The following PRKCB variants were observed in gnomAD, a reference collection of about 807,000 sequenced individuals.
The protein encoded by PRKCB is protein kinase C beta.
PRKCB carries 13 observed loss-of-function variants against 81.5 expected under a neutral mutation model. That is an observed-to-expected ratio of 0.16 (90% CI 0.10 to 0.25). The LOEUF (loss-of-function observed/expected upper bound fraction) is 0.25. PRKCB is among the 10% of genes least tolerant of loss of function. The probability of loss-of-function intolerance (pLI) is 1.00; values close to 1 mark genes in which losing one functional copy is unlikely to be tolerated. For missense variants in PRKCB, 509 were observed against 875.7 expected, an observed-to-expected ratio of 0.58 and a Z score of 5.29; for synonymous variants, 335 against 321.4, an observed-to-expected ratio of 1.04 and a Z score of -0.45.
intron 2 of PRKCB, among the ~76,000 whole-genome samples, chr16:23,868,772 G>A (rs1962852122): frequency 6.6e-6 from 1 of 152,146 alleles, no homozygotes; most frequent in Admixed American, 6.5e-5. Context: ...TGGAGACTGG[G>A]GCCGGCTGCC....
intron 2 of PRKCB, among the ~76,000 whole-genome samples, chr16:23,967,949 C>A (rs542164710): frequency 6.6e-6 from 1 of 152,180 alleles, no homozygotes; most frequent in South Asian, 2.1e-4. Context: ...GCCACTGCGC[C>A]GGGCCTTTTA....
At chr16:23,984,908 A>G (rs1458008711) in intron 2 of PRKCB, among the ~76,000 whole-genome samples, 1 of 152,212 alleles carries the variant, frequency 6.6e-6, no homozygotes, top group Non-Finnish European at 1.5e-5. Context: ...GGAAAGTTAA[A>G]CATGGAACTA....
chr16:24,084,716 T>C (rs980104013), intron 5 of PRKCB, among the ~76,000 whole-genome samples: 1 of 152,106 alleles, frequency 6.6e-6, no homozygotes, highest in African/African-American at 2.4e-5. Flanking sequence ...TAGAAATTAA[T>C]GACAAAAACA....
At chr16:23,948,305 A>G (rs1964231189) in intron 2 of PRKCB, among the ~76,000 whole-genome samples, 1 of 152,194 alleles carries the variant, frequency 6.6e-6, no homozygotes, top group East Asian at 1.9e-4. Flanking sequence ...GGGCCTCCCA[A>G]AGCTTGTCTT....
chr16:23,992,185 G>A (rs776497108), intron 3 of PRKCB, among the ~76,000 whole-genome samples: 3 of 152,164 alleles, frequency 2.0e-5, no homozygotes, highest in Non-Finnish European at 4.4e-5. Flanking sequence ...AGAACTGTGA[G>A]GAATAAGTTT....
At chr16:24,019,563 C>T (rs992608487) in intron 3 of PRKCB, among the ~76,000 whole-genome samples, 12 of 152,032 alleles carry the variant, frequency 7.9e-5, no homozygotes, top group East Asian at 7.7e-4. Context: ...TGAGCTCAGG[C>T]GACCAGCCTG....
chr16:23,940,357 C>A (rs1964125624), intron 2 of PRKCB, among the ~76,000 whole-genome samples: 1 of 151,472 alleles, frequency 6.6e-6, no homozygotes, highest in South Asian at 2.1e-4. Context: ...CTAGATAAAT[C>A]AAAGCTTAAA....
chr16:23,842,837 T>A (rs996278462), intron 2 of PRKCB, among the ~76,000 whole-genome samples: 1 of 152,232 alleles, frequency 6.6e-6, no homozygotes, highest in Non-Finnish European at 1.5e-5. Flanking sequence ...AATTAACACA[T>A]GTAGACTAGA....
chr16:24,114,274 A>T (rs1456932528), intron 8 of PRKCB, among the ~76,000 whole-genome samples: 1 of 149,704 alleles, frequency 6.7e-6, no homozygotes, highest in Non-Finnish European at 1.5e-5. Context: ...ATCTCAAAAA[A>T]AAAAAAAATA....
Position 24,216,693 on chromosome 16 carries a change from C to A in PRKCB, c.*1877C>A. ...GCTTGGGGACCGTCCCTGCTGTCCC[C>A]ACTGTGGTGGCAATCAGGACCTAAG... On this transcript the variant is annotated 3_prime_UTR_variant, in exon 17 of 17. Coordinates refer to ENST00000643927, the MANE Select transcript of PRKCB (RefSeq NM_002738.7). 1.0e-6 allele frequency: 1 copy of A among 985,452 alleles called. No individual in the cohort carries two copies. Among genetic ancestry groups the A allele is most frequent in the East Asian group, 1.1e-4 (1 of 8,808 alleles). The allele number at this position is 985,452 out of a possible 1,614,324, so 61.0% of individuals were successfully genotyped here. A position where few individuals can be genotyped will look rare whatever the true frequency, so the allele number is the denominator to read the frequency against.
intron 5 of PRKCB, among the ~76,000 whole-genome samples, chr16:24,056,007 G>A (rs367900534): frequency 6.6e-6 from 1 of 152,226 alleles, no homozygotes; most frequent in African/African-American, 2.4e-5. Flanking sequence ...CTGGGCTTCT[G>A]TGTGGCAGAA....
At chr16:23,924,486 C>G (rs1461529404) in intron 2 of PRKCB, among the ~76,000 whole-genome samples, 2 of 152,016 alleles carry the variant, frequency 1.3e-5, no homozygotes, top group African/African-American at 4.8e-5. Flanking sequence ...ATCTGGCGAC[C>G]ACCACACAAC....
chr16:24,127,207 T>A (rs1233373491), intron 9 of PRKCB, among the ~76,000 whole-genome samples: 2 of 151,668 alleles, frequency 1.3e-5, no homozygotes, highest in Non-Finnish European at 2.9e-5. Flanking sequence ...GGTTTCTCCA[T>A]GTTGGTCAGG....
Position 24,216,094 on chromosome 16 carries a change from G to A in PRKCB, c.*1278G>A. ...AGTGGGAACTGAGGAGGGAACTCAG[G>A]AGAAAGGAACTAACTGCGGAGCTTT... On this transcript the variant is annotated 3_prime_UTR_variant, in exon 17 of 17. Transcript: ENST00000643927. The A allele has an allele frequency of 2.0e-6, 2 of 985,426 alleles. No individual in the cohort carries two copies. The highest frequency in any genetic ancestry group is 1.2e-6 in the Non-Finnish European group (1 of 829,940). 61.0% of individuals were successfully genotyped at this position (985,426 alleles called of 1,614,324 possible).
chr16:23,967,090 C>G (rs1464403188), intron 2 of PRKCB, among the ~76,000 whole-genome samples: 4 of 151,682 alleles, frequency 2.6e-5, no homozygotes. Flanking sequence ...AGACACTCCT[C>G]TAATTGCTCT....
At chr16:24,057,003 C>G (rs1314267924) in intron 5 of PRKCB, among the ~76,000 whole-genome samples, 1 of 152,132 alleles carries the variant, frequency 6.6e-6, no homozygotes, top group Non-Finnish European at 1.5e-5. Flanking sequence ...GTGTCTTTCC[C>G]TGATTATTTA....
At chr16:23,861,738 G>T (rs1020412269) in intron 2 of PRKCB, among the ~76,000 whole-genome samples, 1 of 152,172 alleles carries the variant, frequency 6.6e-6, no homozygotes, top group African/African-American at 2.4e-5. Flanking sequence ...TGCATGTGGT[G>T]CTTGGAGCTG....
intron 9 of PRKCB, among the ~76,000 whole-genome samples, chr16:24,127,835 G>A (rs1041920501): frequency 7.2e-5 from 11 of 152,148 alleles, no homozygotes; most frequent in African/African-American, 2.7e-4. Context: ...CTTTAAAACA[G>A]AGTAATCCTT....
intron 5 of PRKCB, among the ~76,000 whole-genome samples, chr16:24,040,550 A>T (rs1249096521): frequency 6.6e-6 from 1 of 152,196 alleles, no homozygotes; most frequent in Non-Finnish European, 1.5e-5. Flanking sequence ...ATCACAAGGC[A>T]TTAGCTCCAT....
Sources: allele counts gnomAD v4.1 joint callset (sites outside exome capture counted in the v4.1 genomes callset), GRCh38; gene constraint gnomAD v4.1.1; transcripts MANE v1.5; gene names NCBI Gene and HGNC (gene_info 2026-07-23, HGNC 2026-07-21).